PTPRD: variants seen among roughly 807,000 people sequenced by gnomAD.
PTPRD encodes protein tyrosine phosphatase receptor type D.
Under a neutral mutation model 214.5 loss-of-function variants are expected in PTPRD, and 34 were observed. The observed-to-expected ratio is 0.16, with a 90% CI of 0.12 to 0.21. The LOEUF (loss-of-function observed/expected upper bound fraction) is 0.21. PTPRD is among the 10% of genes least tolerant of loss of function. PTPRD has a pLI of 1.00. For missense variants in PTPRD, 2,545 were observed against 2,398.7 expected (o/e 1.06, Z -1.27); for synonymous variants, 1,128 against 845.7 (o/e 1.33, Z -5.79).
intron 8 of PTPRD, among the ~76,000 whole-genome samples, chr9:9,397,790 A>T (rs911983433): frequency 6.6e-6 from 1 of 151,988 alleles, no homozygotes; most frequent in East Asian, 1.9e-4. Flanking sequence ...AAAAATACAG[A>T]GTCATCTCTT....
intron 6 of PTPRD, among the ~76,000 whole-genome samples, chr9:9,740,737 T>C (rs960396582): frequency 1.3e-5 from 2 of 152,192 alleles, no homozygotes; most frequent in Admixed American, 6.5e-5. Flanking sequence ...TCATTGTTTT[T>C]TCTCAATACA....
chr9:9,682,323 T>C (rs958563104), intron 7 of PTPRD, among the ~76,000 whole-genome samples: 7 of 151,798 alleles, frequency 4.6e-5, no homozygotes, highest in African/African-American at 1.7e-4. Context: ...CTACCAAAGA[T>C]ACACTATATT....
intron 12 of PTPRD, among the ~76,000 whole-genome samples, chr9:8,688,678 G>A (rs2154379531): frequency 6.6e-6 from 1 of 152,096 alleles, no homozygotes; most frequent in East Asian, 1.9e-4. Context: ...TATTCTTCAG[G>A]TTTCTTATTC....
chr9:10,127,988 T>C (rs1455018195), intron 3 of PTPRD, among the ~76,000 whole-genome samples: 2 of 152,162 alleles, frequency 1.3e-5, no homozygotes, highest in African/African-American at 4.8e-5. Flanking sequence ...ATTATGCTTC[T>C]GTTTGACATC....
intron 14 of PTPRD, among the ~76,000 whole-genome samples, chr9:8,532,601 G>T (rs578030481): frequency 2.2e-4 from 34 of 152,120 alleles, no homozygotes; most frequent in African/African-American, 7.7e-4. Context: ...TCATTAATGT[G>T]CTCATTAAGC....
chr9:10,543,035 T>C (rs193081603), intron 2 of PTPRD, among the ~76,000 whole-genome samples: 7 of 151,398 alleles, frequency 4.6e-5, no homozygotes, highest in Admixed American at 4.0e-4. Flanking sequence ...ACAGGCGTAA[T>C]CTACCTCAAC....
chr9:10,006,047 T>C (rs1397983420), intron 4 of PTPRD, among the ~76,000 whole-genome samples: 1 of 152,002 alleles, frequency 6.6e-6, no homozygotes, highest in Non-Finnish European at 1.5e-5. Context: ...TGCAAATATA[T>C]GATGGTATTA....
chr9:9,645,312 T>A (rs1195363251), intron 7 of PTPRD, among the ~76,000 whole-genome samples: 2 of 152,290 alleles, frequency 1.3e-5, no homozygotes, highest in East Asian at 3.9e-4. Context: ...TTCTCAGAGT[T>A]GCTCTAGAGA....
At chr9:8,782,461 TGTAATTTTA>T (rs1745320885) in intron 11 of PTPRD, among the ~76,000 whole-genome samples, 1 of 152,334 alleles carries the variant, frequency 6.6e-6, no homozygotes, top group Middle Eastern at 3.4e-3. Context: ...CCTATCTAAC[TGTAATTTTA>T]TATCCTCAAT....
At chr9:10,051,747 C>G (rs2097539379) in intron 3 of PTPRD, among the ~76,000 whole-genome samples, 1 of 152,064 alleles carries the variant, frequency 6.6e-6, no homozygotes, top group Non-Finnish European at 1.5e-5. Flanking sequence ...ACCCTGTACC[C>G]CTTTTCTGTA....
At chr9:8,796,659 T>C (rs971188385) in intron 11 of PTPRD, among the ~76,000 whole-genome samples, 16 of 152,174 alleles carry the variant, frequency 1.1e-4, no homozygotes, top group African/African-American at 3.1e-4. Context: ...CTGATAATCA[T>C]GGCTTTGAAA....
chr9:9,096,675 A>G (rs2099783993), intron 10 of PTPRD, among the ~76,000 whole-genome samples: 1 of 152,246 alleles, frequency 6.6e-6, no homozygotes, highest in Non-Finnish European at 1.5e-5. Context: ...CAGATGATAT[A>G]GATACAGATT....
chr9:9,678,823 C>A (rs915428758), intron 7 of PTPRD, among the ~76,000 whole-genome samples: 2 of 151,830 alleles, frequency 1.3e-5, no homozygotes, highest in African/African-American at 4.8e-5. Context: ...ACATTCCTGT[C>A]ATAAATTTTG....
chr9:8,746,133 G>C (rs2092772428), intron 11 of PTPRD, among the ~76,000 whole-genome samples: 1 of 152,034 alleles, frequency 6.6e-6, no homozygotes, highest in East Asian at 1.9e-4. Flanking sequence ...ATGTCAGCAA[G>C]GACATATGTT....
intron 3 of PTPRD, among the ~76,000 whole-genome samples, chr9:10,088,828 G>C (rs747731198): frequency 2.6e-5 from 4 of 151,628 alleles, no homozygotes; most frequent in Non-Finnish European, 5.9e-5. Flanking sequence ...AGCTATGAAT[G>C]GATATCGTAT....
At chr9:9,440,936 T>C (rs905680898) in intron 8 of PTPRD, among the ~76,000 whole-genome samples, 2 of 152,162 alleles carry the variant, frequency 1.3e-5, no homozygotes, top group African/African-American at 4.8e-5. Context: ...GAAGGAAGTA[T>C]GATGGGCAGA....
At chr9:9,528,524 A>T (rs963699941) in intron 8 of PTPRD, among the ~76,000 whole-genome samples, 3 of 152,200 alleles carry the variant, frequency 2.0e-5, no homozygotes, top group Non-Finnish European at 4.4e-5. Flanking sequence ...CAGGAAAGGG[A>T]TGGCAAAAGT....
At chr9:8,774,482 G>C (rs1369855329) in intron 11 of PTPRD, among the ~76,000 whole-genome samples, 1 of 149,160 alleles carries the variant, frequency 6.7e-6, no homozygotes, top group Non-Finnish European at 1.5e-5. Flanking sequence ...TAACATAAAT[G>C]CAACAATGTT....
chr9:8,492,380 T>C (rs1283399058), intron 27 of PTPRD, among the ~76,000 whole-genome samples: 1 of 152,178 alleles, frequency 6.6e-6, no homozygotes, highest in Non-Finnish European at 1.5e-5. Context: ...ACTTAAATAA[T>C]CCTTCCTCTA....
Sources: gnomAD v4.1 joint callset for allele counts (sites outside exome capture counted in the v4.1 genomes callset) on GRCh38, gnomAD v4.1.1 for gene constraint, MANE v1.5 for transcripts, NCBI Gene and HGNC (gene_info 2026-07-23, HGNC 2026-07-21) for gene names.